Variants in ZBTB7A observed in about 807,000 individuals in gnomAD.
ZBTB7A encodes the protein zinc finger and BTB domain-containing protein 7A.
In ZBTB7A, 7 loss-of-function variants were observed where a neutral mutation model predicts 26.7. That is an observed-to-expected ratio of 0.26 (90% CI 0.15 to 0.49). The LOEUF (loss-of-function observed/expected upper bound fraction) is 0.49, where lower values mean the gene tolerates loss of function less well. Among genes scored for constraint, ZBTB7A ranks in the 20% least tolerant of loss-of-function variants. The pLI, the probability that ZBTB7A is intolerant of heterozygous loss-of-function variation, is 0.98. For missense variants in ZBTB7A, 617 were observed against 919.5 expected, an observed-to-expected ratio of 0.67 and a Z score of 4.25; for synonymous variants, 452 against 441.0, an observed-to-expected ratio of 1.02 and a Z score of -0.31.
intron 1 of ZBTB7A, 178 bp from the exon 2 acceptor site, chr19:4,055,425 G>A (rs2040567716): frequency 6.1e-6 from 6 of 985,308 alleles, no homozygotes; most frequent in Non-Finnish European, 7.2e-6. Context: ...AGCTTCCCCA[G>A]CTGTGCACCA....
chr19:4,066,348 C>T (rs185235214), intron 1 of ZBTB7A, among the ~76,000 whole-genome samples: 4 of 151,016 alleles, frequency 2.6e-5, no homozygotes, highest in Admixed American at 2.6e-4. Context: ...GCCGGCTCCC[C>T]CCACCCTCAA....
Position 4,043,431 on chromosome 19 carries a change from T to C in ZBTB7A, c.*4321A>G, listed in dbSNP as rs2040369894. Reference sequence around the variant, plus strand: ...ACTTTTAAAGCTTCTCCCTCCCCACTCCCAAAAAGTGCATTTTTATCAGTT... The same window carrying C: ...ACTTTTAAAGCTTCTCCCTCCCCACCCCCAAAAAGTGCATTTTTATCAGTT... On this transcript the variant is annotated 3_prime_UTR_variant, in exon 3 of 3. Transcript: ENST00000322357. Among the ~76,000 whole-genome samples the C allele has an allele frequency of 6.8e-6, 1 of 146,460 alleles. No homozygotes were observed. The highest frequency in any genetic ancestry group is 2.5e-5 in the African/African-American group (1 of 39,584).
In ZBTB7A at chr19:4,043,731, C is replaced by G. The variant is rs1238947990; in HGVS notation, c.*4021G>C. Among the ~76,000 whole-genome samples the G allele has an allele frequency of 7.2e-5, 9 of 125,236 alleles. No individual in the cohort carries two copies. The highest frequency in any genetic ancestry group is 2.0e-4 in the African/African-American group (6 of 30,432). The allele number at this position is 125,236 out of a possible 152,430, so 82.2% of individuals were successfully genotyped here. On this transcript the variant is annotated 3_prime_UTR_variant, in exon 3 of 3. Coordinates refer to ENST00000322357, the MANE Select transcript of ZBTB7A (RefSeq NM_015898.4). ...ACCCCCTGGGCCCGGCCCCCCCCCC[C>G]CCCCCCCGTAAATCTATGTATTTAA...
At chr19:4,058,446 T>TC in intron 1 of ZBTB7A, among the ~76,000 whole-genome samples, 1 of 88,164 alleles carries the variant, frequency 1.1e-5, no homozygotes, top group Admixed American at 1.5e-4. Flanking sequence ...CCCTCCCTTT[T>TC]TTCCGCCTTC....
intron 2 of ZBTB7A, among the ~76,000 whole-genome samples, chr19:4,051,990 C>G (rs1374825741): frequency 6.6e-6 from 1 of 151,332 alleles, no homozygotes; most frequent in Non-Finnish European, 1.5e-5. Flanking sequence ...GGCTCCCAGG[C>G]TTTTGGAGGG....
At chr19:4,056,317 C>T (rs2040577197) in intron 1 of ZBTB7A, among the ~76,000 whole-genome samples, 1 of 152,218 alleles carries the variant, frequency 6.6e-6, no homozygotes, top group Non-Finnish European at 1.5e-5. Context: ...AGTCAGATGC[C>T]CTGTTCTGTC....
At chr19:4,058,876 C>T (rs1474636821) in intron 1 of ZBTB7A, among the ~76,000 whole-genome samples, 6 of 152,232 alleles carry the variant, frequency 3.9e-5, no homozygotes, top group Admixed American at 2.6e-4. Context: ...CCCCTCCACC[C>T]GCCTTCCTTC....
chr19:4,049,164 GTGTGTATATATATATATATATA>G (rs1380291167), intron 2 of ZBTB7A, among the ~76,000 whole-genome samples: 626 of 21,182 alleles, frequency 0.03, 52 homozygotes, highest in African/African-American at 0.061. Context: ...GTGTGTGTGT[GTGTGTATATATATATATATATA>G]TATATATATA....
rs1234403954 is a variant in ZBTB7A, at chr19:4,045,129, G to C, written c.*2623C>G. The C allele has an allele frequency of 2.0e-5, 3 of 152,254 alleles. No homozygotes were observed. Among genetic ancestry groups the C allele is most frequent in the Non-Finnish European group, 4.4e-5 (3 of 68,054 alleles). The allele number at this position is 152,254 out of a possible 1,614,324, so 9.4% of individuals were successfully genotyped here. On this transcript the variant is annotated 3_prime_UTR_variant, in exon 3 of 3. Coordinates refer to ENST00000322357, the MANE Select transcript of ZBTB7A (RefSeq NM_015898.4). The surrounding 1 kb of genome is among the most constrained non-coding windows in gnomAD (Gnocchi z 4.1). Reference sequence around the variant, plus strand: ...AATCCCCGAGGTCTGTGTAAGTGTCGCGGTGGGCCGCAGCCCTTGTTCCTA... The same window carrying C: ...AATCCCCGAGGTCTGTGTAAGTGTCCCGGTGGGCCGCAGCCCTTGTTCCTA...
chr19:4,061,038 G>A (rs939205846), intron 1 of ZBTB7A, among the ~76,000 whole-genome samples: 1 of 152,170 alleles, frequency 6.6e-6, no homozygotes, highest in Non-Finnish European at 1.5e-5. Context: ...CCTGGGGGAT[G>A]GGGGTCGTAA....
chr19:4,048,730 G>A lies in ZBTB7A; in HGVS notation c.1263-486C>T, dbSNP rs1267185084. On this transcript the variant is annotated intron_variant, in intron 2 of 2. Transcript: ENST00000322357. This position sits in a 1 kb window ranked among gnomAD's most constrained non-coding sequence, Gnocchi z 6.7. ...CAGCCGGGCATGGTAGCAGGCGCCC[G>A]TAATGCCAGCTATTAGGAAGGCTGA... Among the ~76,000 whole-genome samples, 2 of 151,900 alleles carry A rather than the reference G, an allele frequency of 1.3e-5. No homozygotes were observed. The highest frequency in any genetic ancestry group is 2.4e-5 in the African/African-American group (1 of 41,354).
chr19:4,054,766 C>T lies in ZBTB7A; in HGVS notation c.467G>A (p.Arg156His). The T allele has an allele frequency of 6.4e-7, 1 of 1,574,258 alleles. No individual in the cohort carries two copies. The highest frequency in any genetic ancestry group is 8.6e-7 in the Non-Finnish European group (1 of 1,159,426). Residue 156 changes from arginine to histidine, a missense_variant, in exon 2 of 3, where the codon CGC becomes CAC. Transcript: ENST00000322357. ...GAAGAACTCGAGGTACTCCTTGGCG[C>T]GGAGGAGGTTGCGCTGATCAATTTG... ...VDQIDQRNLL[R>H]AKEYLEFFQS...
chr19:4,052,936 G>A lies in ZBTB7A; in HGVS notation c.1262+1035C>T, dbSNP rs1466184587. On this transcript the variant is annotated intron_variant, in intron 2 of 2. Coordinates refer to ENST00000322357, the MANE Select transcript of ZBTB7A (RefSeq NM_015898.4). The surrounding 1 kb of genome is among the most constrained non-coding windows in gnomAD (Gnocchi z 4.9). Reference sequence around the variant, plus strand: ...CTCCCCTCCTTCAGGTTCCGGCAAGGCCTGTCCCCGGCGCCTAGAACAGGC... The same window carrying A: ...CTCCCCTCCTTCAGGTTCCGGCAAGACCTGTCCCCGGCGCCTAGAACAGGC... 2.0e-5 allele frequency among the ~76,000 whole-genome samples: 3 copies of A among 152,128 alleles called. No individual in the cohort carries two copies. The highest frequency in any genetic ancestry group is 6.5e-5 in the Admixed American group (1 of 15,274).
Position 4,055,026 on chromosome 19 carries a change from C to G in ZBTB7A, c.207G>C (p.Val69=). The change falls in exon 2 of 3, where the codon GTG becomes GTC. Residue 69 remains valine, a synonymous_variant. Transcript: ENST00000322357. ...FKKLFTSGAV[V]DQQNVYEIDF... is the part of the protein sequence containing the mutation. ...CGATCTCGTACACGTTCTGCTGGTC[C>G]ACCACGGCGCCCGACGTGAACAGCT... The G allele has an allele frequency of 6.2e-7, 1 of 1,610,578 alleles. No homozygotes were observed. Among genetic ancestry groups the G allele is most frequent in the African/African-American group, 1.3e-5 (1 of 74,990 alleles).
chr19:4,065,053 G>GGGAGCCTGGC (rs1314181686), intron 1 of ZBTB7A, among the ~76,000 whole-genome samples: 1 of 151,664 alleles, frequency 6.6e-6, no homozygotes, highest in African/African-American at 2.4e-5. Context: ...GGGGGGCTGG[G>GGGAGCCTGGC]TCTCCCGCCC....
intron 1 of ZBTB7A, among the ~76,000 whole-genome samples, chr19:4,062,529 C>G (rs959376121): frequency 9.2e-5 from 14 of 152,180 alleles, no homozygotes; most frequent in African/African-American, 3.4e-4. Flanking sequence ...CAGGGTCGCG[C>G]AGCAGAACTG....
intron 1 of ZBTB7A, chr19:4,061,480 G>C (rs971740961): frequency 2.0e-5 from 3 of 152,190 alleles, no homozygotes; most frequent in African/African-American, 4.8e-5. Context: ...TGGGTTTAAT[G>C]GGACAGGAAT....
intron 1 of ZBTB7A, chr19:4,062,008 G>C (rs896270747): frequency 6.6e-6 from 1 of 152,276 alleles, no homozygotes; most frequent in Non-Finnish European, 1.5e-5. Flanking sequence ...GTGAGAGGCC[G>C]AGGTGACCTC....
At chr19:4,055,400 C>T (rs539332528) in intron 1 of ZBTB7A, 153 bp from the exon 2 acceptor site, 132 of 985,338 alleles carry the variant, frequency 1.3e-4, no homozygotes, top group Non-Finnish European at 1.6e-4. Context: ...TCAGATGTCG[C>T]GCCTTTCCAG....
Sources: allele counts gnomAD v4.1 joint callset (sites outside exome capture counted in the v4.1 genomes callset), GRCh38; gene constraint gnomAD v4.1.1; non-coding constraint Gnocchi (gnomAD v3.1); transcripts MANE v1.5; gene names NCBI Gene and HGNC (gene_info 2026-07-23, HGNC 2026-07-21).